Variants in RUFY1 observed in about 807,000 individuals in gnomAD.
RUFY1 encodes the protein RUN and FYVE domain containing 1, also known as RUN and FYVE domain-containing protein 1.
A neutral mutation model predicts 94.6 loss-of-function variants in RUFY1; 54 were observed. The observed-to-expected ratio is 0.57, with a 90% confidence interval of 0.46 to 0.72. The LOEUF (loss-of-function observed/expected upper bound fraction) is 0.72. Among genes scored for constraint, RUFY1 ranks in the 30% least tolerant of loss-of-function variants. The pLI is 0.00. For synonymous variants in RUFY1, 396 were observed against 347.3 expected (o/e 1.14, Z -1.56); for missense variants, 883 against 883.9 (o/e 1.00, Z 0.01).
chr5:179,609,231 T>G, intron 17 of RUFY1, 145 bp from the exon 18 acceptor site: 1 of 636,084 alleles, frequency 1.6e-6, no homozygotes, highest in Non-Finnish European at 2.5e-6. Context: ...AAAAAGACCC[T>G]TGTTTGCACA....
intron 8 of RUFY1, 86 bp downstream of exon 8, chr5:179,585,951 C>A: frequency 9.4e-7 from 1 of 1,068,280 alleles, no homozygotes; most frequent in South Asian, 1.3e-5. Flanking sequence ...GATAGCAGAG[C>A]TTCCTGCTGG....
In RUFY1 at chr5:179,580,922, T is replaced by C. The variant is rs144980119; in HGVS notation, c.891-25T>C. 6.0e-4 allele frequency: 872 copies of C among 1,446,820 alleles called. 3 individuals carry two copies. The highest frequency in any genetic ancestry group is 2.4e-3 in the African/African-American group (170 of 70,300). The allele number at this position is 1,446,820 out of a possible 1,614,324, so 89.6% of individuals were successfully genotyped here. A position where few individuals can be genotyped will look rare whatever the true frequency, so the allele number is the denominator to read the frequency against. Reference sequence around the variant, plus strand: ...ATTAACCATTAATAAAAAAAAGTTCTTCCTTCTTATGCTCCTTTTAAAAGG... The same window carrying C: ...ATTAACCATTAATAAAAAAAAGTTCCTCCTTCTTATGCTCCTTTTAAAAGG... On this transcript the variant is annotated intron_variant, in intron 6 of 17. Coordinates refer to ENST00000319449, the MANE Select transcript of RUFY1 (RefSeq NM_025158.5).
chr5:179,608,747 G>GA (rs1417435274), intron 17 of RUFY1: 1 of 471,572 alleles, frequency 2.1e-6, no homozygotes, highest in Non-Finnish European at 2.8e-6. Flanking sequence ...CCAAGATGGT[G>GA]AAACCCCATC....
chr5:179,609,027 G>A lies in RUFY1; in HGVS notation c.1984-349G>A, dbSNP rs150725435. Among the ~76,000 whole-genome samples, 1,448 of 151,916 alleles carry A rather than the reference G, an allele frequency of 9.5e-3. 30 individuals carry two copies. The highest frequency in any genetic ancestry group is 0.033 in the African/African-American group (1,372 of 41,432). The stretch of plus-strand genomic sequence containing the variant: ...GAGGTCAGGAGATCGAGACCATCCT[G>A]GCTAACATGGTGAAACCCCGTCTCT... On this transcript the variant is annotated intron_variant, in intron 17 of 17. Transcript: ENST00000319449.
At chr5:179,586,450 C>T (rs759406816) in intron 8 of RUFY1, 58 of 456,386 alleles carry the variant, frequency 1.3e-4, no homozygotes, top group Non-Finnish European at 8.8e-6. Context: ...GAGGGGGGTG[C>T]TCAGCCCTTC....
At chr5:179,607,259 G>C (rs4701140) in intron 16 of RUFY1, 2 of 362,620 alleles carry the variant, frequency 5.5e-6, no homozygotes, top group Non-Finnish European at 1.0e-5. Flanking sequence ...CCAGAAGCTC[G>C]CTCTGCTTAC....
chr5:179,555,046 A>G (rs186409553), intron 1 of RUFY1, among the ~76,000 whole-genome samples: 1 of 152,174 alleles, frequency 6.6e-6, no homozygotes, highest in African/African-American at 2.4e-5. Context: ...GAGTTTCCGC[A>G]CATAGCACAT....
chr5:179,556,686 A>G (rs1762132893), intron 1 of RUFY1, among the ~76,000 whole-genome samples: 2 of 151,990 alleles, frequency 1.3e-5, no homozygotes, highest in Admixed American at 1.3e-4. Context: ...TTTTTAGTAG[A>G]GACGGGTTTT....
intron 5 of RUFY1, among the ~76,000 whole-genome samples, chr5:179,570,919 G>T (rs1353579021): frequency 6.6e-6 from 1 of 152,040 alleles, no homozygotes; most frequent in Non-Finnish European, 1.5e-5. Flanking sequence ...TTACATTCTG[G>T]TATACACCCT....
chr5:179,551,442 T>C (rs948471809), intron 1 of RUFY1, among the ~76,000 whole-genome samples: 1 of 152,266 alleles, frequency 6.6e-6, no homozygotes, highest in African/African-American at 2.4e-5. Flanking sequence ...AGAGCTGTGC[T>C]ATCCAATACA....
chr5:179,603,368 G>T (rs146986893), intron 15 of RUFY1, among the ~76,000 whole-genome samples: 1 of 151,944 alleles, frequency 6.6e-6, no homozygotes, highest in South Asian at 2.1e-4. Flanking sequence ...CGTCTCTCCT[G>T]TGCCTCTTAC....
chr5:179,596,251 G>A (rs1401982301), intron 12 of RUFY1: 2 of 406,536 alleles, frequency 4.9e-6, no homozygotes, highest in African/African-American at 4.2e-5. Context: ...TGATCTCCAA[G>A]ACATTATTCT....
At chr5:179,595,334 T>C (rs1278494227) in intron 12 of RUFY1, among the ~76,000 whole-genome samples, 1 of 151,916 alleles carries the variant, frequency 6.6e-6, no homozygotes, top group Non-Finnish European at 1.5e-5. Flanking sequence ...AAAAAATTAG[T>C]GGGCAACAAG....
At chr5:179,607,409 A>C (rs764737181) in intron 16 of RUFY1, 173 bp from the exon 17 acceptor site, 273 of 627,712 alleles carry the variant, frequency 4.3e-4, no homozygotes, top group Non-Finnish European at 6.6e-4. Flanking sequence ...GGCTGCGGCC[A>C]GACGGGGAAA....
rs1439890142 is a variant in RUFY1 at position 179,593,465 on chromosome 5, A to T, written c.1246-13A>T. ...TATTTTAATAACATTTTCCTTGTAA[A>T]TATCCTTTTAAGGAACTGGAAAAAG... is the stretch of plus-strand genomic sequence containing the variant. On this transcript the variant is annotated splice_polypyrimidine_tract_variant and intron_variant, in intron 10 of 17. Coordinates refer to ENST00000319449, the MANE Select transcript of RUFY1 (RefSeq NM_025158.5). 2 of 1,581,620 alleles carry T rather than the reference A, an allele frequency of 1.3e-6. No individual in the cohort carries two copies. Among genetic ancestry groups the T allele is most frequent in the Admixed American group, 3.3e-5 (2 of 59,954 alleles).
chr5:179,581,954 G>C (rs1190284991), intron 7 of RUFY1, among the ~76,000 whole-genome samples: 1 of 152,116 alleles, frequency 6.6e-6, no homozygotes, highest in East Asian at 1.9e-4. Context: ...CAAAGTGCTA[G>C]AATTACAGGC....
intron 1 of RUFY1, among the ~76,000 whole-genome samples, chr5:179,555,249 A>G (rs1211643949): frequency 6.6e-6 from 1 of 152,142 alleles, no homozygotes; most frequent in Non-Finnish European, 1.5e-5. Flanking sequence ...CCAACGAGAG[A>G]GGATTGCTTG....
rs186367492 is a variant in RUFY1 at position 179,591,808 on chromosome 5, T to C, written c.1245+67T>C. The C allele has an allele frequency of 1.8e-4, 168 of 931,974 alleles. No individual in the cohort carries two copies. In the African/African-American group the frequency reaches 2.2e-3, roughly 12 times the overall value. 57.7% of individuals were successfully genotyped at this position (931,974 alleles called of 1,614,324 possible). On this transcript the variant is annotated intron_variant, in intron 10 of 17. Transcript: ENST00000319449. ...GTAGTGTTAATTCTGTCAACACTTT[T>C]CATAGACATGCTTCACCATCCTGAT...
chr5:179,590,638 C>T (rs1764990135), intron 9 of RUFY1, among the ~76,000 whole-genome samples: 1 of 151,488 alleles, frequency 6.6e-6, no homozygotes, highest in African/African-American at 2.4e-5. Flanking sequence ...GCGCCTGCTA[C>T]TACGCCCAGC....
Sources: allele counts gnomAD v4.1 joint callset (sites outside exome capture counted in the v4.1 genomes callset), GRCh38; gene constraint gnomAD v4.1.1; transcripts MANE v1.5; gene names NCBI Gene and HGNC (gene_info 2026-07-23, HGNC 2026-07-21).